Variants in CTNNA3 observed in about 807,000 individuals in gnomAD.
The protein encoded by CTNNA3 is catenin alpha-3.
In CTNNA3, 76 loss-of-function variants were observed where a neutral mutation model predicts 95.7. That is an observed-to-expected ratio of 0.79 (90% confidence interval 0.66 to 0.96). The LOEUF (loss-of-function observed/expected upper bound fraction) is 0.96. Ranked by LOEUF, CTNNA3 falls within the 40% of genes least tolerant of loss-of-function variation. CTNNA3 has a pLI of 0.00. For synonymous variants in CTNNA3, 431 were observed against 374.4 expected, an observed-to-expected ratio of 1.15 and a Z score of -1.74; for missense variants, 1,191 against 1,089.8, an observed-to-expected ratio of 1.09 and a Z score of -1.31.
At chr10:67,723,275 C>T (rs1589580951) in intron 1 of CTNNA3, among the ~76,000 whole-genome samples, 1 of 151,374 alleles carries the variant, frequency 6.6e-6, no homozygotes, top group African/African-American at 2.4e-5. Context: ...GCATGAGCCA[C>T]GGCACCTGGC....
chr10:67,704,687 T>C (rs1287336336), intron 1 of CTNNA3, among the ~76,000 whole-genome samples: 4 of 152,054 alleles, frequency 2.6e-5, no homozygotes, highest in Non-Finnish European at 5.9e-5. Context: ...GAAGAAAACC[T>C]AGGCATTACC....
At chr10:67,600,373 G>A (rs1351447136) in intron 3 of CTNNA3, among the ~76,000 whole-genome samples, 1 of 151,368 alleles carries the variant, frequency 6.6e-6, no homozygotes, top group African/African-American at 2.4e-5. Context: ...ATAATAATTT[G>A]GAATTTATTT....
At chr10:66,164,729 T>C (rs61858421) in intron 13 of CTNNA3, among the ~76,000 whole-genome samples, 2,650 of 152,302 alleles carry the variant, frequency 0.017, 41 homozygotes, top group Non-Finnish European at 0.029. Flanking sequence ...TTTGTCTTTA[T>C]TCTAGAATAG....
chr10:67,450,781 A>G (rs1368530050), intron 5 of CTNNA3, among the ~76,000 whole-genome samples: 1 of 152,100 alleles, frequency 6.6e-6, no homozygotes, highest in Non-Finnish European at 1.5e-5. Flanking sequence ...TGAACCTAAA[A>G]TAAAAGTTTA....
intron 10 of CTNNA3, among the ~76,000 whole-genome samples, chr10:66,527,073 G>A (rs923635542): frequency 3.9e-5 from 6 of 152,074 alleles, no homozygotes; most frequent in African/African-American, 1.2e-4. Flanking sequence ...CTATGTTTAA[G>A]TCTTTGATTC....
In CTNNA3 at chr10:66,926,806, TAA is replaced by T. The variant is rs1411804126; in HGVS notation, c.1048-151284_1048-151283del. 1.5e-5 allele frequency: 15 copies of T among 1,002,348 alleles called. No homozygotes were observed. In the African/African-American group the frequency reaches 1.6e-4, roughly 11 times the overall value. The allele number at this position is 1,002,348 out of a possible 1,614,324, so 62.1% of individuals were successfully genotyped here. On this transcript the variant is annotated intron_variant, in intron 7 of 17. Transcript: ENST00000433211. ...ATTACAAAGAGATAATATGTGATGT[TAA>T]GTGTTATTTAGATTTAAATTTTTAA...
chr10:66,664,931 C>T (rs1216380573), intron 9 of CTNNA3, among the ~76,000 whole-genome samples: 2 of 146,666 alleles, frequency 1.4e-5, no homozygotes, highest in East Asian at 2.0e-4. Context: ...GACCTTCCTA[C>T]AAACTGGATA....
intron 12 of CTNNA3, among the ~76,000 whole-genome samples, chr10:66,378,854 G>A (rs1293301759): frequency 6.6e-6 from 1 of 152,156 alleles, no homozygotes; most frequent in African/African-American, 2.4e-5. Context: ...TACCATATCA[G>A]CCTAATTATA....
At chr10:67,550,700 CA>C (rs1840997935) in intron 3 of CTNNA3, among the ~76,000 whole-genome samples, 1 of 138,040 alleles carries the variant, frequency 7.2e-6, no homozygotes, top group South Asian at 2.2e-4. Flanking sequence ...TTTCTTTATT[CA>C]TAGAATAAAG....
At chr10:66,672,733 G>T in intron 9 of CTNNA3, among the ~76,000 whole-genome samples, 1 of 151,556 alleles carries the variant, frequency 6.6e-6, no homozygotes, top group African/African-American at 2.4e-5. Context: ...CCACCCACCC[G>T]AGCAACACCC....
At chr10:66,676,944 T>G (rs1348091371) in intron 9 of CTNNA3, among the ~76,000 whole-genome samples, 1 of 152,112 alleles carries the variant, frequency 6.6e-6, no homozygotes, top group Non-Finnish European at 1.5e-5. Context: ...CAGTCTAGTA[T>G]GTTACAAATC....
chr10:67,267,134 C>A (rs372201774), intron 5 of CTNNA3, among the ~76,000 whole-genome samples: 1 of 151,802 alleles, frequency 6.6e-6, no homozygotes, highest in African/African-American at 2.4e-5. Context: ...ACATAGAAAA[C>A]GAAGAAATTA....
At position 67,677,168 on chromosome 10, in the gene CTNNA3, C is replaced by T. The variant is rs915358630; in HGVS notation, c.-6+18832G>A. Among the ~76,000 whole-genome samples the T allele has an allele frequency of 1.2e-4, 18 of 152,222 alleles. No individual in the cohort carries two copies. In the East Asian group the frequency reaches 1.4e-3, roughly 11 times the overall value. Reference sequence around the variant, plus strand: ...AAGCTTTCTCAAGTTAGAAAAAGACCCTTTTACGCTAGTATCTGAGACACA... The same window carrying T: ...AAGCTTTCTCAAGTTAGAAAAAGACTCTTTTACGCTAGTATCTGAGACACA... On this transcript the variant is annotated intron_variant, in intron 1 of 17. Transcript: ENST00000433211.
At chr10:66,806,844 A>G (rs1370984055) in intron 7 of CTNNA3, among the ~76,000 whole-genome samples, 4 of 151,754 alleles carry the variant, frequency 2.6e-5, no homozygotes, top group African/African-American at 9.7e-5. Context: ...ATACATATAT[A>G]TATTCGGCAA....
intron 1 of CTNNA3, among the ~76,000 whole-genome samples, chr10:67,726,651 A>AAT (rs1377690898): frequency 9.4e-4 from 67 of 71,624 alleles, no homozygotes; most frequent in African/African-American, 4.1e-3. Flanking sequence ...TATATACTAT[A>AAT]ATATATTATA....
intron 7 of CTNNA3, among the ~76,000 whole-genome samples, chr10:67,088,756 A>C (rs1857449074): frequency 1.3e-5 from 2 of 152,060 alleles, no homozygotes; most frequent in Admixed American, 6.6e-5. Flanking sequence ...TGTTCCTGCA[A>C]AAAATATTTT....
Position 67,581,378 on chromosome 10 carries a change from T to G in CTNNA3, c.292+25479A>C, listed in dbSNP as rs182354053. ...GATTACATTTATTGATTTGTGTATGTTGAACCAGCCTTGAATCCCAGGGAT... is the reference window on the plus strand; with the variant it reads ...GATTACATTTATTGATTTGTGTATGGTGAACCAGCCTTGAATCCCAGGGAT... On this transcript the variant is annotated intron_variant, in intron 3 of 17. Coordinates refer to ENST00000433211, the MANE Select transcript of CTNNA3 (RefSeq NM_013266.4). Among the ~76,000 whole-genome samples, 3 of 152,346 alleles carry G rather than the reference T, an allele frequency of 2.0e-5. No individual in the cohort carries two copies. In the East Asian group the frequency reaches 5.8e-4, roughly 29 times the overall value.
At chr10:66,608,366 T>G (rs945965860) in intron 10 of CTNNA3, among the ~76,000 whole-genome samples, 1 of 152,136 alleles carries the variant, frequency 6.6e-6, no homozygotes, top group African/African-American at 2.4e-5. Flanking sequence ...AAAATGACCA[T>G]ACTGCCCAAA....
At chr10:67,112,084 G>A (rs375798685) in intron 7 of CTNNA3, among the ~76,000 whole-genome samples, 6 of 152,072 alleles carry the variant, frequency 3.9e-5, no homozygotes, top group Non-Finnish European at 7.4e-5. Context: ...AGATGTTGTC[G>A]TCAGTTTGTT....
Sources: gnomAD v4.1 joint callset for allele counts (sites outside exome capture counted in the v4.1 genomes callset) on GRCh38, gnomAD v4.1.1 for gene constraint, MANE v1.5 for transcripts, NCBI Gene and HGNC (gene_info 2026-07-23, HGNC 2026-07-21) for gene names.